The following RELN variants were observed in gnomAD, a reference collection of about 807,000 sequenced individuals.
The protein encoded by RELN is reelin.
In RELN, 108 loss-of-function variants were observed where a neutral mutation model predicts 427.6. The ratio of observed to expected loss-of-function variants is 0.25; its 90% CI spans 0.22 to 0.30. The LOEUF is 0.30. Among genes scored for constraint, RELN ranks in the 10% least tolerant of loss-of-function variants. The pLI, the probability that RELN is intolerant of heterozygous loss-of-function variation, is 1.00. For missense variants in RELN, 3,715 were observed against 4,302.8 expected (o/e 0.86, Z 3.82); for synonymous variants, 1,524 against 1,513.4 (o/e 1.01, Z -0.16).
chr7:103,502,963 T>C (rs1410519859), intron 52 of RELN, 53 bp downstream of exon 52: 1 of 1,423,384 alleles, frequency 7.0e-7, no homozygotes, highest in African/African-American at 1.4e-5. Flanking sequence ...GTGTACCTAA[T>C]GGTGTACCTT....
intron 1 of RELN, among the ~76,000 whole-genome samples, chr7:103,952,554 T>TTCTCTCTCTC (rs145303514): frequency 8.0e-5 from 12 of 149,860 alleles, no homozygotes; most frequent in East Asian, 3.9e-4. Flanking sequence ...CTCTCACTCT[T>TTCTCTCTCTC]TCTCTCTCTC....
intron 2 of RELN, among the ~76,000 whole-genome samples, chr7:103,859,450 C>T (rs922225235): frequency 1.1e-4 from 17 of 152,034 alleles, no homozygotes; most frequent in Admixed American, 3.3e-4. Context: ...CCCACCACCA[C>T]GCCTGGCTAA....
At chr7:103,874,783 C>G (rs1794437148) in intron 2 of RELN, among the ~76,000 whole-genome samples, 1 of 150,414 alleles carries the variant, frequency 6.6e-6, no homozygotes, top group Non-Finnish European at 1.5e-5. Flanking sequence ...CCATACTGCC[C>G]AAGGTCATTT....
chr7:103,564,914 G>C (rs776574573), intron 34 of RELN, among the ~76,000 whole-genome samples: 2 of 152,110 alleles, frequency 1.3e-5, no homozygotes, highest in South Asian at 2.1e-4. Flanking sequence ...CTGTGGTACT[G>C]AGATGAAAAA....
rs947009037 is a variant in RELN at position 103,557,951 on chromosome 7, A to T, written c.5614+14T>A. 8.8e-7 allele frequency: 1 copy of T among 1,139,822 alleles called. No homozygotes were observed. Among genetic ancestry groups the T allele is most frequent in the Non-Finnish European group, 1.3e-6 (1 of 748,266 alleles). The allele number at this position is 1,139,822 out of a possible 1,614,324, so 70.6% of individuals were successfully genotyped here. ...GAGAATTCTCTTGAAGGAAAATAAT[A>T]AATTCATACTTACTTTTTGCTATAA... On this transcript the variant is annotated intron_variant, in intron 37 of 64. Coordinates refer to ENST00000428762, the MANE Select transcript of RELN (RefSeq NM_005045.4).
intron 1 of RELN, among the ~76,000 whole-genome samples, chr7:103,943,725 G>A (rs1013687345): frequency 6.6e-5 from 10 of 150,826 alleles, no homozygotes; most frequent in Non-Finnish European, 1.5e-4. Flanking sequence ...GCGGGTGCCT[G>A]TAATACCAGC....
At chr7:103,554,526 C>T (rs548644910) in intron 38 of RELN, among the ~76,000 whole-genome samples, 15 of 140,228 alleles carry the variant, frequency 1.1e-4, no homozygotes, top group Non-Finnish European at 2.0e-4. Context: ...GCCAAGATCA[C>T]GCCACTGCAC....
At chr7:103,935,315 C>T (rs530290673) in intron 1 of RELN, among the ~76,000 whole-genome samples, 31 of 152,314 alleles carry the variant, frequency 2.0e-4, no homozygotes, top group African/African-American at 5.3e-4. Flanking sequence ...CTCTCACTAA[C>T]GTCACTAATG....
intron 46 of RELN, 132 bp downstream of exon 46, chr7:103,535,184 T>C: frequency 1.2e-6 from 1 of 831,626 alleles, no homozygotes; most frequent in Non-Finnish European, 2.0e-6. Context: ...GCCTTAATAA[T>C]TCATACATGG....
chr7:103,710,185 A>C (rs1003107576), intron 8 of RELN, among the ~76,000 whole-genome samples: 1 of 152,200 alleles, frequency 6.6e-6, no homozygotes, highest in African/African-American at 2.4e-5. Context: ...GGCTCTAGCA[A>C]TATAGTCTGA....
At chr7:103,729,260 G>A (rs1790292545) in intron 6 of RELN, among the ~76,000 whole-genome samples, 1 of 152,106 alleles carries the variant, frequency 6.6e-6, no homozygotes, top group Admixed American at 6.6e-5. Flanking sequence ...CCTTTGTTTA[G>A]GAGATTATTG....
At chr7:103,949,354 A>G (rs1796286549) in intron 1 of RELN, among the ~76,000 whole-genome samples, 3 of 149,846 alleles carry the variant, frequency 2.0e-5, no homozygotes, top group African/African-American at 7.4e-5. Context: ...CCTAGTCCCC[A>G]TCCAAATTTG....
At position 103,553,725 on chromosome 7, in the gene RELN, G is replaced by T. The variant is rs142987135; in HGVS notation, c.5904C>A (p.Asp1968Glu). The T allele has an allele frequency of 2.9e-5, 46 of 1,613,930 alleles. No individual in the cohort carries two copies. The highest frequency in any genetic ancestry group is 3.9e-5 in the Non-Finnish European group (46 of 1,179,974). ...TACCACCAGGATAGAAAAACCAATT[G>T]TCTTCTCTGGGCCCAAAATCAAATG... ...LDTFDFGPRE[D>E]NWFFYPGGNI... The change falls in exon 39 of 65, where the codon GAC (aspartate) becomes GAA (glutamate). Residue 1968 changes from aspartate (D) to glutamate (E), a missense_variant. Asp to Glu is a conservative substitution (Grantham distance 45). Coordinates refer to ENST00000428762, the MANE Select transcript of RELN (RefSeq NM_005045.4).
intron 8 of RELN, among the ~76,000 whole-genome samples, chr7:103,702,608 G>A (rs1010498448): frequency 1.3e-5 from 2 of 152,188 alleles, no homozygotes; most frequent in Non-Finnish European, 2.9e-5. Flanking sequence ...TCAGCATCAT[G>A]AGGTTAACTT....
intron 3 of RELN, among the ~76,000 whole-genome samples, chr7:103,798,142 A>G (rs1250685450): frequency 6.6e-6 from 1 of 152,194 alleles, no homozygotes; most frequent in Non-Finnish European, 1.5e-5. Flanking sequence ...TGCCTTTGCC[A>G]AATAAATTCT....
intron 6 of RELN, among the ~76,000 whole-genome samples, chr7:103,734,560 C>A (rs1790444184): frequency 6.6e-6 from 1 of 152,100 alleles, no homozygotes; most frequent in African/African-American, 2.4e-5. Flanking sequence ...CTTATTAAAC[C>A]TTCTCTGAAC....
intron 2 of RELN, among the ~76,000 whole-genome samples, chr7:103,885,796 T>C (rs1794715045): frequency 6.6e-6 from 1 of 152,192 alleles, no homozygotes; most frequent in African/African-American, 2.4e-5. Context: ...ACTACTCTAA[T>C]AGCTTTCTAA....
intron 11 of RELN, among the ~76,000 whole-genome samples, chr7:103,678,639 A>G (rs549465167): frequency 6.6e-6 from 1 of 152,148 alleles, no homozygotes; most frequent in Non-Finnish European, 1.5e-5. Context: ...CTTCCTTGCC[A>G]TTCATATTAA....
At chr7:103,826,926 T>C (rs1010578422) in intron 3 of RELN, among the ~76,000 whole-genome samples, 1 of 151,910 alleles carries the variant, frequency 6.6e-6, no homozygotes, top group Admixed American at 6.6e-5. Context: ...GTCCATTTAC[T>C]TGAGTGATCT....
Sources: allele counts gnomAD v4.1 joint callset (sites outside exome capture counted in the v4.1 genomes callset), GRCh38; gene constraint gnomAD v4.1.1; transcripts MANE v1.5; gene names NCBI Gene and HGNC (gene_info 2026-07-23, HGNC 2026-07-21).